THEMIS: variants seen among roughly 807,000 people sequenced by gnomAD.
The protein encoded by THEMIS is thymocyte selection associated, also known as protein THEMIS.
Under a neutral mutation model 52.6 loss-of-function variants are expected in THEMIS, and 37 were observed. The observed-to-expected ratio is 0.70, with a 90% confidence interval of 0.54 to 0.93. The LOEUF is 0.93. Among genes scored for constraint, THEMIS ranks in the 40% least tolerant of loss-of-function variants. THEMIS has a pLI of 0.00. For missense variants in THEMIS, 808 were observed against 763.1 expected, an observed-to-expected ratio of 1.06 and a Z score of -0.69; for synonymous variants, 292 against 272.7, an observed-to-expected ratio of 1.07 and a Z score of -0.70.
chr6:127,701,039 T>C, the THEMIS span, among the ~76,000 whole-genome samples: 4 of 152,060 alleles, frequency 2.6e-5, no homozygotes, highest in Non-Finnish European at 5.9e-5. Context: ...GTGAAGTGCG[T>C]AATTCTATAG....
intron 1 of THEMIS, among the ~76,000 whole-genome samples, chr6:127,894,155 G>T (rs1428399437): frequency 6.6e-6 from 1 of 151,772 alleles, no homozygotes; most frequent in Non-Finnish European, 1.5e-5. Flanking sequence ...AGCAGTGAGA[G>T]AAATAATTTG....
chr6:127,848,447 A>G (rs567213158), intron 2 of THEMIS, among the ~76,000 whole-genome samples: 25 of 151,750 alleles, frequency 1.6e-4, no homozygotes, highest in African/African-American at 5.3e-4. Flanking sequence ...CCCAGTAATG[A>G]GATGGCTGGG....
At chr6:127,772,920 T>G (rs996484060) in intron 4 of THEMIS, among the ~76,000 whole-genome samples, 1 of 152,170 alleles carries the variant, frequency 6.6e-6, no homozygotes, top group Non-Finnish European at 1.5e-5. Context: ...ATTAGACTTC[T>G]CTTGGCTCTG....
chr6:127,774,494 T>C (rs1037154916), intron 4 of THEMIS, among the ~76,000 whole-genome samples: 1 of 152,186 alleles, frequency 6.6e-6, no homozygotes, highest in South Asian at 2.1e-4. Flanking sequence ...CGTGAGCCAC[T>C]GCGCCCGGCC....
At chr6:127,781,126 C>G (rs1776729260) in intron 4 of THEMIS, among the ~76,000 whole-genome samples, 1 of 151,848 alleles carries the variant, frequency 6.6e-6, no homozygotes, top group South Asian at 2.1e-4. Context: ...TGTCTTCAAG[C>G]TTATTTCATT....
chr6:127,724,665 TCTG>T (rs1314440024), intron 4 of THEMIS, among the ~76,000 whole-genome samples: 1 of 152,146 alleles, frequency 6.6e-6, no homozygotes, highest in African/African-American at 2.4e-5. Context: ...TACAATCCTG[TCTG>T]CTAATTTGAA....
chr6:127,903,804 A>G (rs749801512), upstream of THEMIS, among the ~76,000 whole-genome samples: 2 of 151,836 alleles, frequency 1.3e-5, no homozygotes, highest in East Asian at 3.9e-4. Flanking sequence ...TTGTTAGTCA[A>G]TATGCAAAAT....
chr6:127,801,209 C>G (rs748301443), intron 4 of THEMIS, among the ~76,000 whole-genome samples: 17 of 152,140 alleles, frequency 1.1e-4, no homozygotes, highest in Non-Finnish European at 2.9e-5. Context: ...AACCAAGGAA[C>G]CTTTGACCAT....
chr6:127,906,795 T>C (rs1391982291), intron 1 of THEMIS, among the ~76,000 whole-genome samples: 1 of 151,972 alleles, frequency 6.6e-6, no homozygotes, highest in Non-Finnish European at 1.5e-5. Context: ...TTAGTATCAT[T>C]ATTGCCAATG....
At chr6:127,899,470 A>G (rs1781069048) in intron 1 of THEMIS, among the ~76,000 whole-genome samples, 1 of 151,860 alleles carries the variant, frequency 6.6e-6, no homozygotes, top group African/African-American at 2.4e-5. Context: ...AACATATAAT[A>G]TGATTTGAAG....
intron 4 of THEMIS, among the ~76,000 whole-genome samples, chr6:127,783,476 T>G (rs1290446684): frequency 2.0e-5 from 3 of 152,118 alleles, no homozygotes; most frequent in African/African-American, 4.8e-5. Context: ...GAGAAAATTG[T>G]TGCAATCCAT....
intron 2 of THEMIS, among the ~76,000 whole-genome samples, chr6:127,840,509 T>A (rs1779011957): frequency 6.6e-6 from 1 of 152,166 alleles, no homozygotes; most frequent in Non-Finnish European, 1.5e-5. Flanking sequence ...GATATTATAG[T>A]GAGTTTTATT....
chr6:127,783,438 T>G (rs1158321304), intron 4 of THEMIS, among the ~76,000 whole-genome samples: 3 of 152,118 alleles, frequency 2.0e-5, no homozygotes, highest in Non-Finnish European at 4.4e-5. Flanking sequence ...AAACTATCAT[T>G]AGAGTGAATA....
At chr6:127,851,033 T>C (rs541526328) in intron 2 of THEMIS, among the ~76,000 whole-genome samples, 1 of 151,672 alleles carries the variant, frequency 6.6e-6, no homozygotes, top group Non-Finnish European at 1.5e-5. Context: ...AGTATGAGAA[T>C]AATATCTTAC....
chr6:127,701,469 AACT>A, the THEMIS span, among the ~76,000 whole-genome samples: 1 of 152,086 alleles, frequency 6.6e-6, no homozygotes, highest in Non-Finnish European at 1.5e-5. Flanking sequence ...TCCAGTTTGA[AACT>A]ACTTTGAATA....
Position 127,817,918 on chromosome 6 carries a change from T to G in THEMIS, c.710-3987A>C, listed in dbSNP as rs573754933. On this transcript the variant is annotated intron_variant, in intron 3 of 5. Coordinates refer to ENST00000368248, the MANE Select transcript of THEMIS (RefSeq NM_001010923.3). ...CAGGGTGAAGATGAGACAAATTTCC[T>G]TGTGCTTCTGGCAGGGTGAGAGAAG... Among the ~76,000 whole-genome samples, 3 of 152,304 alleles carry G rather than the reference T, an allele frequency of 2.0e-5. No homozygotes were observed. The East Asian group carries it at 5.8e-4, about 29-fold the overall frequency.
intron 1 of THEMIS, among the ~76,000 whole-genome samples, chr6:127,892,658 T>G (rs1174253286): frequency 6.6e-6 from 1 of 152,188 alleles, no homozygotes; most frequent in Non-Finnish European, 1.5e-5. Flanking sequence ...ATTATTTTGC[T>G]TTTTGTAATT....
At chr6:127,707,278 G>A (rs549995595), downstream of THEMIS, among the ~76,000 whole-genome samples, 5 of 152,110 alleles carry the variant, frequency 3.3e-5, no homozygotes, top group Non-Finnish European at 4.4e-5. Context: ...AAATGGGAAG[G>A]TCAGCATGAC....
chr6:127,735,177 G>A (rs970494502), intron 4 of THEMIS, among the ~76,000 whole-genome samples: 1 of 151,874 alleles, frequency 6.6e-6, no homozygotes, highest in East Asian at 1.9e-4. Context: ...AGACATTATT[G>A]CAAGGAATAG....
Sources: allele counts gnomAD v4.1 joint callset (sites outside exome capture counted in the v4.1 genomes callset), GRCh38; gene constraint gnomAD v4.1.1; transcripts MANE v1.5; gene names NCBI Gene and HGNC (gene_info 2026-07-23, HGNC 2026-07-21).